Variants in ARL15 observed in about 807,000 individuals in gnomAD.
ARL15 encodes the protein ARF like GTPase 15, also known as ADP-ribosylation factor-like protein 15.
In ARL15, 19 loss-of-function variants were observed where a neutral mutation model predicts 25.2. The ratio of observed to expected loss-of-function variants is 0.75; its 90% CI spans 0.53 to 1.10. ARL15 has a LOEUF of 1.10. ARL15 is among the 50% of genes least tolerant of loss of function. The probability of loss-of-function intolerance (pLI) is 0.00; values close to 1 mark genes in which losing one functional copy is unlikely to be tolerated. For synonymous variants in ARL15, 94 were observed against 86.8 expected, an observed-to-expected ratio of 1.08 and a Z score of -0.46; for missense variants, 220 against 246.0, an observed-to-expected ratio of 0.89 and a Z score of 0.71.
chr5:54,131,505 A>G (rs1753433899), intron 3 of ARL15, among the ~76,000 whole-genome samples: 1 of 152,158 alleles, frequency 6.6e-6, no homozygotes, highest in South Asian at 2.1e-4. Context: ...CTGTATTTGT[A>G]TATAATCTTT....
At chr5:53,940,353 T>C (rs1000626352) in intron 4 of ARL15, among the ~76,000 whole-genome samples, 1 of 152,198 alleles carries the variant, frequency 6.6e-6, no homozygotes, top group Non-Finnish European at 1.5e-5. Flanking sequence ...TTGTATTTTC[T>C]TCATTTGCTG....
intron 1 of ARL15, among the ~76,000 whole-genome samples, chr5:54,227,757 A>G (rs1426948646): frequency 1.3e-5 from 2 of 152,260 alleles, no homozygotes; most frequent in East Asian, 3.8e-4. Context: ...ACATTTGAGC[A>G]CATTGAACAA....
At chr5:54,254,977 C>T (rs1478207849) in intron 1 of ARL15, among the ~76,000 whole-genome samples, 2 of 152,172 alleles carry the variant, frequency 1.3e-5, no homozygotes, top group Admixed American at 6.5e-5. Flanking sequence ...ACTCCAGTCC[C>T]GTTGTGATCT....
chr5:53,977,384 T>C (rs1747973244), intron 4 of ARL15, among the ~76,000 whole-genome samples: 2 of 149,438 alleles, frequency 1.3e-5, no homozygotes. Flanking sequence ...AAATTCCCAC[T>C]AATAGTGTTT....
chr5:54,199,464 C>T (rs1159012772), intron 1 of ARL15, among the ~76,000 whole-genome samples: 1 of 151,622 alleles, frequency 6.6e-6, no homozygotes, highest in Non-Finnish European at 1.5e-5. Flanking sequence ...AAAAACAACC[C>T]TATCAAAAAG....
At chr5:54,058,034 TC>T (rs1437064417) in intron 4 of ARL15, among the ~76,000 whole-genome samples, 1 of 151,254 alleles carries the variant, frequency 6.6e-6, no homozygotes. Context: ...TGACAAAGTC[TC>T]GCTCTTGTTC....
At chr5:54,269,417 T>C (rs993630777) in intron 1 of ARL15, among the ~76,000 whole-genome samples, 19 of 152,206 alleles carry the variant, frequency 1.2e-4, no homozygotes, top group African/African-American at 4.6e-4. Flanking sequence ...ATAATTGCAG[T>C]CTCACATTTT....
intron 1 of ARL15, among the ~76,000 whole-genome samples, chr5:54,259,834 GT>G (rs2112619494): frequency 6.6e-6 from 1 of 152,164 alleles, no homozygotes; most frequent in African/African-American, 2.4e-5. Context: ...AATCCTTTTC[GT>G]TCCTGGCCAG....
At chr5:54,101,557 G>C (rs1335943329) in intron 4 of ARL15, among the ~76,000 whole-genome samples, 1 of 152,070 alleles carries the variant, frequency 6.6e-6, no homozygotes, top group Non-Finnish European at 1.5e-5. Flanking sequence ...CCCTAGAGCA[G>C]AAAACTGTGC....
chr5:54,274,825 C>G lies in ARL15; in HGVS notation c.48+35607G>C, dbSNP rs148186456. On this transcript the variant is annotated intron_variant, in intron 1 of 4. Coordinates refer to ENST00000504924, the MANE Select transcript of ARL15 (RefSeq NM_019087.3). ...AAGAGAACTGCTTGAACCCGGGAGG[C>G]AGGGGTTGCAGTGAGCCCAGATTGC... Among the ~76,000 whole-genome samples, 65 of 152,198 alleles carry G rather than the reference C, an allele frequency of 4.3e-4. 1 individual carries two copies. In the East Asian group the frequency reaches 0.011, roughly 25 times the overall value.
intron 4 of ARL15, among the ~76,000 whole-genome samples, chr5:54,022,008 A>C (rs1749619535): frequency 6.6e-6 from 1 of 152,224 alleles, no homozygotes; most frequent in East Asian, 1.9e-4. Context: ...GCTGAAAGAA[A>C]AGATCTGTCA....
At chr5:54,179,993 G>T (rs1430290154) in intron 1 of ARL15, among the ~76,000 whole-genome samples, 1 of 144,250 alleles carries the variant, frequency 6.9e-6, no homozygotes, top group Admixed American at 7.2e-5. Context: ...TCTCCAGCCT[G>T]GGTGACACAG....
intron 1 of ARL15, among the ~76,000 whole-genome samples, chr5:54,189,468 T>C (rs1755334914): frequency 1.3e-5 from 2 of 151,488 alleles, no homozygotes; most frequent in African/African-American, 2.4e-5. Context: ...TGAAATAGAA[T>C]AGAGATCCCC....
chr5:54,306,796 C>T (rs1216053391), intron 1 of ARL15, among the ~76,000 whole-genome samples: 3 of 152,174 alleles, frequency 2.0e-5, no homozygotes, highest in Non-Finnish European at 4.4e-5. Flanking sequence ...AGAGTACAAC[C>T]AATTCTACCA....
chr5:54,063,405 T>A (rs1410119820), intron 4 of ARL15, among the ~76,000 whole-genome samples: 1 of 152,232 alleles, frequency 6.6e-6, no homozygotes, highest in Non-Finnish European at 1.5e-5. Flanking sequence ...AGAGCCACAC[T>A]CATTCTGTAA....
intron 3 of ARL15, among the ~76,000 whole-genome samples, chr5:54,134,568 C>CTTTTTTTTTTTTT (rs5867914): frequency 1.9e-5 from 1 of 51,796 alleles, no homozygotes; most frequent in Non-Finnish European, 3.4e-5. Context: ...GAATGATTAG[C>CTTTTTTTTTTTTT]TTTTTTTTTT....
At chr5:54,103,871 G>A (rs371844366) in intron 4 of ARL15, among the ~76,000 whole-genome samples, 2 of 152,120 alleles carry the variant, frequency 1.3e-5, no homozygotes, top group Non-Finnish European at 1.5e-5. Context: ...TTGTGCTAAC[G>A]CAGCAGAACT....
intron 4 of ARL15, among the ~76,000 whole-genome samples, chr5:53,954,095 T>TCAAAA (rs1747063660): frequency 7.1e-6 from 1 of 141,242 alleles, no homozygotes; most frequent in African/African-American, 2.6e-5. Flanking sequence ...ATCTTCTACT[T>TCAAAA]AAAAAAAAAA....
At chr5:53,947,206 G>A (rs1388893437) in intron 4 of ARL15, among the ~76,000 whole-genome samples, 1 of 149,978 alleles carries the variant, frequency 6.7e-6, no homozygotes. Flanking sequence ...GTGTGTGTGT[G>A]TGTGTGTGTG....
Sources: allele counts gnomAD v4.1 joint callset (sites outside exome capture counted in the v4.1 genomes callset), GRCh38; gene constraint gnomAD v4.1.1; transcripts MANE v1.5; gene names NCBI Gene and HGNC (gene_info 2026-07-23, HGNC 2026-07-21).